Variants in PIK3CD observed in about 807,000 individuals in gnomAD.
PIK3CD encodes phosphatidylinositol 4,5-bisphosphate 3-kinase catalytic subunit delta isoform.
A neutral mutation model predicts 122.9 loss-of-function variants in PIK3CD; 20 were observed. The ratio of observed to expected loss-of-function variants is 0.16; its 90% CI spans 0.11 to 0.24. The LOEUF is 0.24. Ranked by LOEUF, PIK3CD falls within the 10% of genes least tolerant of loss-of-function variation. The pLI is 1.00. For missense variants in PIK3CD, 787 were observed against 1,406.3 expected (o/e 0.56, Z 7.04); for synonymous variants, 596 against 593.4 (o/e 1.00, Z -0.06).
chr1:9,703,561 T>C (rs1646726374), intron 2 of PIK3CD, among the ~76,000 whole-genome samples: 1 of 152,244 alleles, frequency 6.6e-6, no homozygotes, highest in African/African-American at 2.4e-5. Flanking sequence ...CATAGATTTA[T>C]TAATTCTGCC....
intron 2 of PIK3CD, among the ~76,000 whole-genome samples, chr1:9,692,853 T>G (rs1411365417): frequency 6.6e-6 from 1 of 152,118 alleles, no homozygotes; most frequent in Admixed American, 6.6e-5. Flanking sequence ...CCTGTCCCAC[T>G]CCCACCTACC....
upstream of PIK3CD, chr1:9,651,636 T>C (rs1312721448): frequency 6.6e-6 from 1 of 151,974 alleles, no homozygotes; most frequent in African/African-American, 2.4e-5. Flanking sequence ...GTTTTTCCTG[T>C]TGCAAGTGAA....
intron 2 of PIK3CD, among the ~76,000 whole-genome samples, chr1:9,701,999 G>GTT (rs1287911748): frequency 3.5e-5 from 5 of 143,296 alleles, no homozygotes; most frequent in African/African-American, 7.6e-5. Flanking sequence ...TGTTTTTTTG[G>GTT]TTTTTTTTTT....
At chr1:9,639,487 T>C in the PIK3CD span, among the ~76,000 whole-genome samples, 1 of 152,160 alleles carries the variant, frequency 6.6e-6, no homozygotes, top group Non-Finnish European at 1.5e-5. Context: ...ACAACTTCTC[T>C]GAAGTTGGAG....
intron 1 of PIK3CD, among the ~76,000 whole-genome samples, chr1:9,670,222 C>G (rs1210024059): frequency 6.6e-6 from 1 of 150,602 alleles, no homozygotes; most frequent in African/African-American, 2.4e-5. Flanking sequence ...CAGACCACAA[C>G]TTCTGTTTCT....
the PIK3CD span, among the ~76,000 whole-genome samples, chr1:9,630,735 T>TGC: frequency 4.0e-5 from 4 of 99,218 alleles, no homozygotes; most frequent in African/African-American, 1.2e-4. Context: ...TGTGTGTGTG[T>TGC]GTGTGCAGAA....
rs1460647637 is a variant in PIK3CD, at chr1:9,717,590, C to A, written c.984C>A (p.Ile328=). 1.1e-5 allele frequency: 17 copies of A among 1,614,140 alleles called. No individual in the cohort carries two copies. Among genetic ancestry groups the A allele is most frequent in the Non-Finnish European group, 1.3e-5 (15 of 1,180,020 alleles). Residue 328 remains isoleucine, a synonymous_variant, in exon 8 of 24, where the codon ATC becomes ATA. Coordinates refer to ENST00000377346, the MANE Select transcript of PIK3CD (RefSeq NM_005026.5). The surrounding 1 kb of genome is among the most constrained non-coding windows in gnomAD (Gnocchi z 5.4). ...AGCAGCCGTTCCGCATCGAGCTCAT[C>A]CAGGGCAGCAAAGTGAACGCCGACG... ...SLEQPFRIEL[I]QGSKVNADER...
upstream of PIK3CD, among the ~76,000 whole-genome samples, chr1:9,649,230 C>T (rs1436426957): frequency 1.3e-5 from 2 of 151,910 alleles, no homozygotes; most frequent in African/African-American, 4.8e-5. Flanking sequence ...CTCTCTCTCG[C>T]TCTTTTTCTT....
intron 2 of PIK3CD, among the ~76,000 whole-genome samples, chr1:9,707,102 C>CATGA (rs995099708): frequency 3.3e-5 from 5 of 151,914 alleles, no homozygotes; most frequent in Non-Finnish European, 7.4e-5. Context: ...CATGAGCCAC[C>CATGA]ATGAGCCCAG....
chr1:9,672,039 G>A (rs1570135071), intron 1 of PIK3CD, among the ~76,000 whole-genome samples: 1 of 152,254 alleles, frequency 6.6e-6, no homozygotes, highest in African/African-American at 2.4e-5. Flanking sequence ...GGTAGGAGAT[G>A]GCCGGGCAGC....
At chr1:9,643,239 T>C in the PIK3CD span, among the ~76,000 whole-genome samples, 2 of 151,860 alleles carry the variant, frequency 1.3e-5, no homozygotes, top group Non-Finnish European at 2.9e-5. Context: ...CGAAAACCCA[T>C]CTCTACTAAA....
At chr1:9,662,983 C>G (rs1310393236) in intron 1 of PIK3CD, among the ~76,000 whole-genome samples, 2 of 152,204 alleles carry the variant, frequency 1.3e-5, no homozygotes, top group Non-Finnish European at 2.9e-5. Flanking sequence ...GCCACTGCAC[C>G]TGGCAGCGGT....
the PIK3CD span, among the ~76,000 whole-genome samples, chr1:9,634,499 A>G: frequency 1.3e-5 from 2 of 151,792 alleles, no homozygotes; most frequent in Non-Finnish European, 2.9e-5. Context: ...GGGCCTCGCC[A>G]TGTTGCCCAG....
In PIK3CD at chr1:9,689,373, C is replaced by T. The variant is rs1646099036; in HGVS notation, c.-137-2094C>T. Among the ~76,000 whole-genome samples, 1 of 151,954 alleles carries T rather than the reference C, an allele frequency of 6.6e-6. No homozygotes were observed. Among genetic ancestry groups the T allele is most frequent in the African/African-American group, 2.4e-5 (1 of 41,414 alleles). On this transcript the variant is annotated intron_variant, in intron 1 of 23. Coordinates refer to ENST00000377346, the MANE Select transcript of PIK3CD (RefSeq NM_005026.5). The surrounding 1 kb of genome is among the most constrained non-coding windows in gnomAD (Gnocchi z 6.1). ...GAGGATTTGCAGCGTCCACTCCTCT[C>T]TCCGCCGCCCGTGTGAGCTCGGGCG...
intron 2 of PIK3CD, among the ~76,000 whole-genome samples, chr1:9,702,097 C>T (rs977226531): frequency 6.6e-6 from 1 of 151,502 alleles, no homozygotes; most frequent in African/African-American, 2.4e-5. Flanking sequence ...TGGGTTCAAG[C>T]GAGTCTCCTG....
the PIK3CD span, among the ~76,000 whole-genome samples, chr1:9,645,025 C>CTTTTTTTTTTTTTTTT: frequency 2.4e-5 from 2 of 81,808 alleles, no homozygotes; most frequent in Non-Finnish European, 4.4e-5. Flanking sequence ...CTTTTCTTTT[C>CTTTTTTTTTTTTTTTT]TTTTTTTTTT....
chr1:9,705,452 T>A (rs987985506), intron 2 of PIK3CD, among the ~76,000 whole-genome samples: 1 of 151,992 alleles, frequency 6.6e-6, no homozygotes, highest in African/African-American at 2.4e-5. Context: ...GAGCTGTGAT[T>A]GCGCCACTGC....
In PIK3CD at chr1:9,724,220, G is replaced by A; in HGVS notation, c.2719-56G>A. The A allele has an allele frequency of 1.2e-6, 2 of 1,613,164 alleles. No individual in the cohort carries two copies. Among genetic ancestry groups the A allele is most frequent in the East Asian group, 4.5e-5 (2 of 44,860 alleles). On this transcript the variant is annotated intron_variant, in intron 21 of 23. Transcript: ENST00000377346. This position sits in a 1 kb window ranked among gnomAD's most constrained non-coding sequence, Gnocchi z 7.3. Reference sequence around the variant, plus strand: ...CCCTGCTGGCTTCCTGTCTCCCCTGGATTCTCTCCTGTCTGACACCTTCTC... The same window carrying A: ...CCCTGCTGGCTTCCTGTCTCCCCTGAATTCTCTCCTGTCTGACACCTTCTC...
intron 6 of PIK3CD, 107 bp from the exon 7 acceptor site, chr1:9,716,852 C>A: frequency 6.6e-7 from 1 of 1,507,938 alleles, no homozygotes; most frequent in Non-Finnish European, 9.2e-7. Flanking sequence ...TCCCCTCTCC[C>A]AAGGCCTAGG....
Sources: gnomAD v4.1 joint callset for allele counts (sites outside exome capture counted in the v4.1 genomes callset) on GRCh38, gnomAD v4.1.1 for gene constraint, Gnocchi (gnomAD v3.1) non-coding constraint, MANE v1.5 for transcripts, NCBI Gene and HGNC (gene_info 2026-07-23, HGNC 2026-07-21) for gene names.